UBTD2: variants seen among roughly 807,000 people sequenced by gnomAD.
The protein encoded by UBTD2 is ubiquitin domain containing 2, also known as ubiquitin domain-containing protein 2.
Under a neutral mutation model 19.8 loss-of-function variants are expected in UBTD2, and 9 were observed. The observed-to-expected ratio is 0.46, with a 90% confidence interval of 0.27 to 0.79. The LOEUF is 0.79. Among genes scored for constraint, UBTD2 ranks in the 30% least tolerant of loss-of-function variants. The pLI is 0.14. For synonymous variants in UBTD2, 98 were observed against 103.9 expected (o/e 0.94, Z 0.35); for missense variants, 250 against 300.4 (o/e 0.83, Z 1.24).
intron 1 of UBTD2, among the ~76,000 whole-genome samples, chr5:172,264,489 C>T (rs1367219654): frequency 1.3e-5 from 2 of 150,010 alleles, no homozygotes; most frequent in Non-Finnish European, 3.0e-5. Context: ...TGCAGTGAGC[C>T]GAGATAGTGC....
At chr5:172,276,961 C>T (rs1755615498) in intron 1 of UBTD2, among the ~76,000 whole-genome samples, 2 of 146,288 alleles carry the variant, frequency 1.4e-5, no homozygotes, top group Non-Finnish European at 3.0e-5. Flanking sequence ...CCCAGCTATT[C>T]GGGAGGCTGA....
intron 2 of UBTD2, among the ~76,000 whole-genome samples, chr5:172,219,806 G>T (rs144556517): frequency 9.4e-4 from 143 of 152,302 alleles, no homozygotes; most frequent in African/African-American, 3.3e-3. Flanking sequence ...CGTGACAAGC[G>T]ATTAGTTCAG....
At chr5:172,220,651 C>T (rs1771633218) in intron 2 of UBTD2, among the ~76,000 whole-genome samples, 1 of 151,912 alleles carries the variant, frequency 6.6e-6, no homozygotes, top group South Asian at 2.1e-4. Context: ...AAAAAAAAAC[C>T]TTATAGCTAA....
chr5:172,267,894 C>T (rs556994297), intron 1 of UBTD2, among the ~76,000 whole-genome samples: 13 of 152,264 alleles, frequency 8.5e-5, no homozygotes, highest in African/African-American at 2.9e-4. Context: ...CATAAAGAAA[C>T]GGAAGATGAG....
At chr5:172,248,341 G>A (rs1291320802) in intron 1 of UBTD2, among the ~76,000 whole-genome samples, 2 of 152,174 alleles carry the variant, frequency 1.3e-5, no homozygotes, top group African/African-American at 2.4e-5. Context: ...TATAATCTTA[G>A]CACTTTGGGA....
intron 1 of UBTD2, among the ~76,000 whole-genome samples, chr5:172,261,013 A>G (rs1424679019): frequency 2.0e-5 from 3 of 152,228 alleles, no homozygotes; most frequent in Admixed American, 6.5e-5. Flanking sequence ...ATCACCATCA[A>G]GTTAAAATTA....
intron 1 of UBTD2, among the ~76,000 whole-genome samples, chr5:172,275,754 A>G (rs1404983914): frequency 5.3e-5 from 8 of 152,200 alleles, no homozygotes. Context: ...ACCACACTAC[A>G]TGGTGACTCC....
chr5:172,237,296 A>G (rs1395228244), intron 1 of UBTD2, among the ~76,000 whole-genome samples: 4 of 151,806 alleles, frequency 2.6e-5, no homozygotes, highest in African/African-American at 9.7e-5. Context: ...GTTTCACCAT[A>G]TTGGCCAGGA....
chr5:172,237,643 C>T (rs1329046963), intron 1 of UBTD2, among the ~76,000 whole-genome samples: 2 of 152,140 alleles, frequency 1.3e-5, no homozygotes, highest in Non-Finnish European at 2.9e-5. Context: ...AAATGACTAA[C>T]CTTTGTTAAA....
chr5:172,228,614 G>A (rs1156268951), intron 2 of UBTD2, among the ~76,000 whole-genome samples: 2 of 151,982 alleles, frequency 1.3e-5, no homozygotes, highest in South Asian at 4.2e-4. Flanking sequence ...TCAGCTACTC[G>A]GGAGGCTGAG....
intron 2 of UBTD2, among the ~76,000 whole-genome samples, chr5:172,229,436 G>T (rs1771844909): frequency 7.0e-6 from 1 of 142,472 alleles, no homozygotes; most frequent in Non-Finnish European, 1.5e-5. Context: ...GGGAGGTGGA[G>T]CTTGCAGTGA....
At chr5:172,280,201 T>C (rs79020876) in intron 1 of UBTD2, among the ~76,000 whole-genome samples, 3,088 of 144,138 alleles carry the variant, frequency 0.021, 89 homozygotes, top group African/African-American at 0.076. Context: ...CTGTCTTGAT[T>C]AAAAGTAGGC....
intron 1 of UBTD2, among the ~76,000 whole-genome samples, chr5:172,257,904 T>C (rs1755189581): frequency 6.6e-6 from 1 of 152,240 alleles, no homozygotes; most frequent in Non-Finnish European, 1.5e-5. Flanking sequence ...TTCAGGGTTT[T>C]AGACCTTTGT....
intron 1 of UBTD2, among the ~76,000 whole-genome samples, chr5:172,249,796 T>C (rs1023690364): frequency 1.3e-5 from 2 of 152,234 alleles, no homozygotes; most frequent in Admixed American, 1.3e-4. Flanking sequence ...TATGTCACAT[T>C]AATAGAATTA....
chr5:172,215,993 G>A (rs557192477), intron 2 of UBTD2, among the ~76,000 whole-genome samples: 8 of 152,080 alleles, frequency 5.3e-5, no homozygotes, highest in South Asian at 2.1e-4. Flanking sequence ...GCGAAACCCC[G>A]TCTCTACTAA....
chr5:172,250,421 G>C (rs1410735885), intron 1 of UBTD2, among the ~76,000 whole-genome samples: 3 of 152,078 alleles, frequency 2.0e-5, no homozygotes, highest in East Asian at 1.9e-4. Context: ...CTGCACTGAG[G>C]ACACAATTTA....
Position 172,283,530 on chromosome 5 carries a change from G to C in UBTD2, c.70+66C>G. 2 of 1,215,208 alleles carry C rather than the reference G, an allele frequency of 1.6e-6. No individual in the cohort carries two copies. The highest frequency in any genetic ancestry group is 3.3e-5 in the South Asian group (1 of 30,520). 75.3% of individuals were successfully genotyped at this position (1,215,208 alleles called of 1,614,324 possible). A position where few individuals can be genotyped will look rare whatever the true frequency, so the allele number is the denominator to read the frequency against. ...GGGCCCGGCGCGGCCCGCGGGGGTC[G>C]GGACAGGTGGCCGGGCCTGGCCGGG... is the stretch of plus-strand genomic sequence containing the variant. On this transcript the variant is annotated intron_variant, in intron 1 of 2. Transcript: ENST00000393792. This position sits in a 1 kb window ranked among gnomAD's most constrained non-coding sequence, Gnocchi z 4.3.
At position 172,211,815 on chromosome 5, in the gene UBTD2, C is replaced by G; in HGVS notation, c.*15G>C. On this transcript the variant is annotated 3_prime_UTR_variant, in exon 3 of 3. Transcript: ENST00000393792. ...AGGAGCAGAGGGATGTGGGAGCTGG[C>G]CAACAGGGCTCAGTTCAGTTCTCCA... is the stretch of plus-strand genomic sequence containing the variant. 6.3e-7 allele frequency: 1 copy of G among 1,577,704 alleles called. No individual in the cohort carries two copies. The highest frequency in any genetic ancestry group is 8.6e-7 in the Non-Finnish European group (1 of 1,159,490).
intron 1 of UBTD2, among the ~76,000 whole-genome samples, chr5:172,256,779 G>A (rs1755161419): frequency 6.6e-6 from 1 of 152,024 alleles, no homozygotes; most frequent in Non-Finnish European, 1.5e-5. Flanking sequence ...AAATTAGCCA[G>A]GCGTGGTGGC....
Sources: allele counts gnomAD v4.1 joint callset (sites outside exome capture counted in the v4.1 genomes callset), GRCh38; gene constraint gnomAD v4.1.1; non-coding constraint Gnocchi (gnomAD v3.1); transcripts MANE v1.5; gene names NCBI Gene and HGNC (gene_info 2026-07-23, HGNC 2026-07-21).